Variants in CSMD2 observed in about 807,000 individuals in gnomAD.
CSMD2 encodes CUB and sushi domain-containing protein 2.
In CSMD2, 130 loss-of-function variants were observed where a neutral mutation model predicts 398.5. The observed-to-expected ratio is 0.33, with a 90% CI of 0.28 to 0.38. The LOEUF is 0.38. Among genes scored for constraint, CSMD2 ranks in the 10% least tolerant of loss-of-function variants. CSMD2 has a pLI of 1.00. For synonymous variants in CSMD2, 1,828 were observed against 1,908.5 expected, an observed-to-expected ratio of 0.96 and a Z score of 1.10; for missense variants, 3,829 against 4,764.9, an observed-to-expected ratio of 0.80 and a Z score of 5.78.
chr1:33,778,174 T>G (rs1652242311), intron 12 of CSMD2, among the ~76,000 whole-genome samples: 2 of 152,182 alleles, frequency 1.3e-5, no homozygotes, highest in South Asian at 4.1e-4. Context: ...TCCCTTTTAC[T>G]TTTCTTTCTT....
rs116191647 is a variant in CSMD2, at chr1:33,836,770, C to T, written c.1033+10114G>A. Among the ~76,000 whole-genome samples the T allele has an allele frequency of 3.1e-3, 469 of 152,310 alleles. 2 individuals carry two copies. Among genetic ancestry groups the T allele is most frequent in the African/African-American group, 0.011 (455 of 41,566 alleles). ...TCCAGGTGCCGTGCATCACCCCTTT[C>T]CTTGGCTAGGAAAGCGAATTCCCCA... On this transcript the variant is annotated intron_variant, in intron 6 of 70. Coordinates refer to ENST00000373381, the MANE Select transcript of CSMD2 (RefSeq NM_001281956.2).
intron 3 of CSMD2, among the ~76,000 whole-genome samples, chr1:34,001,513 A>G (rs891070872): frequency 2.0e-5 from 3 of 152,242 alleles, no homozygotes; most frequent in South Asian, 2.1e-4. Context: ...GCAGCTTAAG[A>G]GGTGTATACT....
At chr1:33,710,487 C>G (rs947528695) in intron 21 of CSMD2, among the ~76,000 whole-genome samples, 1 of 152,108 alleles carries the variant, frequency 6.6e-6, no homozygotes, top group Non-Finnish European at 1.5e-5. Flanking sequence ...AATTAGGTTC[C>G]GGAAGGATGT....
chr1:33,951,670 A>G (rs1570607715), intron 3 of CSMD2, among the ~76,000 whole-genome samples: 1 of 152,300 alleles, frequency 6.6e-6, no homozygotes, highest in Non-Finnish European at 1.5e-5. Context: ...AAACCCAGGC[A>G]CCATCCTTAA....
At chr1:33,590,944 G>A (rs551511035) in intron 44 of CSMD2, among the ~76,000 whole-genome samples, 2 of 147,876 alleles carry the variant, frequency 1.4e-5, no homozygotes, top group Admixed American at 6.7e-5. Context: ...GCTGCTGGGT[G>A]TGCTGAATTG....
chr1:33,600,173 G>A (rs1640119358), intron 44 of CSMD2: 1 of 716,696 alleles, frequency 1.4e-6, no homozygotes, highest in Non-Finnish European at 2.6e-6. Context: ...GTTTTACACA[G>A]CTGGCCCAAG....
chr1:33,951,564 TCCCACCTA>T (rs891386600), intron 3 of CSMD2, among the ~76,000 whole-genome samples: 2 of 152,176 alleles, frequency 1.3e-5, no homozygotes, highest in Non-Finnish European at 1.5e-5. Context: ...CCTGGCTTTC[TCCCACCTA>T]CCCCCTCGCC....
At chr1:33,891,305 C>T (rs1451515475) in intron 5 of CSMD2, among the ~76,000 whole-genome samples, 5 of 151,350 alleles carry the variant, frequency 3.3e-5, no homozygotes, top group African/African-American at 7.3e-5. Flanking sequence ...AAAATGCTCA[C>T]CATCACTGGC....
intron 21 of CSMD2, among the ~76,000 whole-genome samples, chr1:33,710,533 T>C (rs1645949899): frequency 6.6e-6 from 1 of 152,230 alleles, no homozygotes; most frequent in Non-Finnish European, 1.5e-5. Context: ...GTTATTCGTG[T>C]GGACATATGG....
chr1:33,839,307 A>G (rs1293585531), intron 6 of CSMD2: 2 of 152,238 alleles, frequency 1.3e-5, no homozygotes, highest in Non-Finnish European at 2.9e-5. Context: ...AGATGCTCTC[A>G]GTATGATCAT....
intron 1 of CSMD2, among the ~76,000 whole-genome samples, chr1:34,106,674 T>G (rs2148428885): frequency 6.6e-6 from 1 of 152,292 alleles, no homozygotes; most frequent in Non-Finnish European, 1.5e-5. Flanking sequence ...ACAGTTGCTG[T>G]GCCTCAGGGA....
At chr1:33,523,245 G>C in intron 67 of CSMD2, 62 bp downstream of exon 67, 1 of 849,222 alleles carries the variant, frequency 1.2e-6, no homozygotes, top group Non-Finnish European at 2.0e-6. Context: ...ACACCCTTTT[G>C]TCCTCCTCTT....
chr1:33,611,470 G>A (rs1440249225), intron 40 of CSMD2, among the ~76,000 whole-genome samples: 2 of 152,158 alleles, frequency 1.3e-5, no homozygotes, highest in African/African-American at 2.4e-5. Flanking sequence ...CAAAAATAAA[G>A]GCATCAGTCA....
At chr1:33,726,471 A>G (rs1646533451) in intron 16 of CSMD2, 76 bp downstream of exon 16, 9 of 1,502,930 alleles carry the variant, frequency 6.0e-6, no homozygotes, top group Non-Finnish European at 8.1e-6. Flanking sequence ...TCCCCTATCC[A>G]CCCTGCATTC....
intron 36 of CSMD2, among the ~76,000 whole-genome samples, chr1:33,622,870 A>G (rs1477504540): frequency 6.6e-6 from 1 of 152,260 alleles, no homozygotes; most frequent in Admixed American, 6.5e-5. Context: ...TGTTCACACC[A>G]AGACTTGTGC....
chr1:33,898,657 G>A (rs574910593), intron 5 of CSMD2, among the ~76,000 whole-genome samples: 1 of 152,242 alleles, frequency 6.6e-6, no homozygotes, highest in Admixed American at 6.5e-5. Context: ...ACTTGCTAAG[G>A]CACCAGGGGA....
At chr1:33,991,502 G>C (rs893888136) in intron 3 of CSMD2, among the ~76,000 whole-genome samples, 14 of 152,182 alleles carry the variant, frequency 9.2e-5, no homozygotes, top group African/African-American at 3.1e-4. Flanking sequence ...AAATGGAACA[G>C]GTGGAGTAGA....
intron 3 of CSMD2, among the ~76,000 whole-genome samples, chr1:34,025,031 T>C (rs550424323): frequency 6.6e-6 from 1 of 152,258 alleles, no homozygotes; most frequent in East Asian, 1.9e-4. Flanking sequence ...GCGTGCACAG[T>C]GGCATGATCA....
intron 11 of CSMD2, among the ~76,000 whole-genome samples, chr1:33,789,604 A>C (rs568239207): frequency 4.7e-4 from 71 of 152,322 alleles, no homozygotes; most frequent in African/African-American, 1.7e-3. Flanking sequence ...GGGGTTGTGG[A>C]GTGGGCAACT....
Sources: gnomAD v4.1 joint callset for allele counts (sites outside exome capture counted in the v4.1 genomes callset) on GRCh38, gnomAD v4.1.1 for gene constraint, MANE v1.5 for transcripts, NCBI Gene and HGNC (gene_info 2026-07-23, HGNC 2026-07-21) for gene names.